Variants in SYMPK observed in about 807,000 individuals in gnomAD.
SYMPK encodes symplekin.
A neutral mutation model predicts 136.4 loss-of-function variants in SYMPK; 49 were observed. That is an observed-to-expected ratio of 0.36 (90% CI 0.29 to 0.46). SYMPK has a LOEUF of 0.46. Among genes scored for constraint, SYMPK ranks in the 20% least tolerant of loss-of-function variants. SYMPK has a pLI of 1.00. For synonymous variants in SYMPK, 766 were observed against 713.0 expected (o/e 1.07, Z -1.19); for missense variants, 1,365 against 1,690.0 (o/e 0.81, Z 3.37).
At chr19:45,850,544 C>T (rs1050788334) in intron 5 of SYMPK, among the ~76,000 whole-genome samples, 1 of 152,184 alleles carries the variant, frequency 6.6e-6, no homozygotes, top group African/African-American at 2.4e-5. Context: ...GAGCCTGTTT[C>T]CCTTTCTGTA....
intron 11 of SYMPK, 40 bp downstream of exon 11, chr19:45,835,038 T>A: frequency 6.8e-7 from 1 of 1,475,572 alleles, no homozygotes; most frequent in South Asian, 1.4e-5. Context: ...AAGCCACAAG[T>A]GCCAATCCCT....
rs763989847 is a variant in SYMPK at position 45,830,184 on chromosome 19, C to T, written c.1619G>A (p.Arg540His). 8.1e-6 allele frequency: 13 copies of T among 1,609,674 alleles called. No homozygotes were observed. Among genetic ancestry groups the T allele is most frequent in the East Asian group, 2.2e-5 (1 of 44,738 alleles). Residue 540 changes from arginine to histidine, a missense_variant, in exon 13 of 27, where the codon CGC becomes CAC. Physicochemically the swap from Arg to His is conservative, Grantham distance 29 (BLOSUM62 0). Coordinates refer to ENST00000245934, the MANE Select transcript of SYMPK (RefSeq NM_004819.3). Reference sequence around the variant, plus strand: ...GTCGCTGAGACGGAAAATTTTCTTGCGCCCACCAGCGCCTGCCAGCCTGTG... The same window carrying T: ...GTCGCTGAGACGGAAAATTTTCTTGTGCCCACCAGCGCCTGCCAGCCTGTG... Reference protein sequence around the residue: ...TQPRLAGAGGRKKIFRLSDVL... With the variant: ...TQPRLAGAGGHKKIFRLSDVL...
intron 10 of SYMPK, 123 bp downstream of exon 10, chr19:45,838,338 C>T: frequency 8.0e-7 from 1 of 1,243,100 alleles, no homozygotes; most frequent in Non-Finnish European, 1.1e-6. Context: ...AATTAAACCC[C>T]TTTTCTTTAT....
intron 1 of SYMPK, among the ~76,000 whole-genome samples, chr19:45,860,641 G>T (rs1414491126): frequency 6.6e-6 from 1 of 151,988 alleles, no homozygotes; most frequent in Non-Finnish European, 1.5e-5. Flanking sequence ...CATGAGTTAG[G>T]TTTACATTTT....
intron 1 of SYMPK, chr19:45,854,798 G>A: frequency 2.4e-6 from 1 of 419,354 alleles, no homozygotes; most frequent in Non-Finnish European, 4.5e-6. Context: ...ACATGAACGT[G>A]CAACAGCCAC....
chr19:45,836,021 A>G (rs1971293252), intron 10 of SYMPK, among the ~76,000 whole-genome samples: 1 of 152,144 alleles, frequency 6.6e-6, no homozygotes, highest in Non-Finnish European at 1.5e-5. Flanking sequence ...ACCCCCCAGA[A>G]TCCTAACAGA....
At chr19:45,860,613 T>C (rs1328825917) in intron 1 of SYMPK, among the ~76,000 whole-genome samples, 1 of 152,174 alleles carries the variant, frequency 6.6e-6, no homozygotes, top group Non-Finnish European at 1.5e-5. Context: ...TTAATATGTA[T>C]ATATTAGAAT....
intron 1 of SYMPK, among the ~76,000 whole-genome samples, chr19:45,856,621 T>C (rs573732539): frequency 6.6e-6 from 1 of 152,242 alleles, no homozygotes; most frequent in South Asian, 2.1e-4. Flanking sequence ...TTTATGTACA[T>C]GGGAAAAGAT....
chr19:45,834,992 C>T (rs750652963), intron 11 of SYMPK, 86 bp downstream of exon 11: 2 of 1,302,000 alleles, frequency 1.5e-6, no homozygotes, highest in South Asian at 1.8e-5. Flanking sequence ...TTCAACTGCA[C>T]CACGAGAAGT....
intron 7 of SYMPK, among the ~76,000 whole-genome samples, chr19:45,846,765 A>T (rs1379069556): frequency 1.3e-5 from 2 of 151,520 alleles, no homozygotes; most frequent in Non-Finnish European, 2.9e-5. Flanking sequence ...CTTTTGATTC[A>T]CCCATATTGC....
chr19:45,837,616 C>CAAAAAAAAA (rs58960244), intron 10 of SYMPK, among the ~76,000 whole-genome samples: 1 of 77,558 alleles, frequency 1.3e-5, no homozygotes, highest in Admixed American at 1.6e-4. Flanking sequence ...GACTCTGCCT[C>CAAAAAAAAA]AAAAAAAAAA....
chr19:45,846,364 T>TA (rs1274298236), intron 7 of SYMPK, among the ~76,000 whole-genome samples: 1 of 152,242 alleles, frequency 6.6e-6, no homozygotes, highest in African/African-American at 2.4e-5. Flanking sequence ...ACGTCACTGA[T>TA]ACTATTAAGT....
Position 45,842,197 on chromosome 19 carries a change from T to C in SYMPK, c.1087+53A>G, listed in dbSNP as rs150129641. On this transcript the variant is annotated intron_variant, in intron 9 of 26. Coordinates refer to ENST00000245934, the MANE Select transcript of SYMPK (RefSeq NM_004819.3). ...CAAATTCAGCATAGTTTAAGGTAAA[T>C]AATGAAACATTTCAGCATGGTCTGC... 6.8e-6 allele frequency: 11 copies of C among 1,609,248 alleles called. No homozygotes were observed. In the Admixed American group the frequency reaches 1.5e-4, roughly 22 times the overall value.
Position 45,842,503 on chromosome 19 carries a change from G to A in SYMPK, c.848-14C>T, listed in dbSNP as rs566665511. 13 of 1,605,648 alleles carry A rather than the reference G, an allele frequency of 8.1e-6. No homozygotes were observed. The African/African-American group carries it at 1.7e-4, about 22-fold the overall frequency. Reference sequence around the variant, plus strand: ...GGGGCAGGTTGGCTGTGAGGAAAGTGGCAGGAGCTGTGTCTTGTGGAAGAT... The same window carrying A: ...GGGGCAGGTTGGCTGTGAGGAAAGTAGCAGGAGCTGTGTCTTGTGGAAGAT... On this transcript the variant is annotated splice_polypyrimidine_tract_variant and intron_variant, in intron 8 of 26. Transcript: ENST00000245934.
intron 1 of SYMPK, chr19:45,854,879 C>CT (rs35065812): frequency 0.15 from 23,865 of 155,168 alleles, 2,343 homozygotes; most frequent in East Asian, 0.38. Flanking sequence ...AGCAAACTTT[C>CT]TTTTTTTTTT....
At chr19:45,820,765 T>G (rs4803860) in intron 22 of SYMPK, 178,105 of 202,850 alleles carry the variant, frequency 0.88, 78,479 homozygotes, top group African/African-American at 0.95. Flanking sequence ...TAGCTTCTGC[T>G]TGGCCCTGAG....
At chr19:45,829,943 G>A (rs1283993487) in intron 13 of SYMPK, 111 bp downstream of exon 13, 1 of 1,259,526 alleles carries the variant, frequency 7.9e-7, no homozygotes, top group Non-Finnish European at 1.1e-6. Context: ...AGCAGAGCTG[G>A]GGTCCGCAGC....
rs560751711 is a variant in SYMPK, at chr19:45,826,805, G to T, written c.2182-432C>A. 1.9e-4 allele frequency among the ~76,000 whole-genome samples: 29 copies of T among 152,116 alleles called. 1 individual carries two copies. The highest frequency in any genetic ancestry group is 7.0e-4 in the African/African-American group (29 of 41,550). ...CAGCAGCAGCACATGGCCATGGCCA[G>T]GGCCAGGGCCAGGGGTGTGAGATGA... On this transcript the variant is annotated intron_variant, in intron 16 of 26. Transcript: ENST00000245934.
intron 10 of SYMPK, among the ~76,000 whole-genome samples, chr19:45,836,420 G>A (rs1221988059): frequency 6.6e-6 from 1 of 151,844 alleles, no homozygotes; most frequent in African/African-American, 2.4e-5. Context: ...CACGAGGTCA[G>A]GAGATCAAGA....
Sources: gnomAD v4.1 joint callset for allele counts (sites outside exome capture counted in the v4.1 genomes callset) on GRCh38, gnomAD v4.1.1 for gene constraint, MANE v1.5 for transcripts, NCBI Gene and HGNC (gene_info 2026-07-23, HGNC 2026-07-21) for gene names.